The following MRPL33 variants were observed in gnomAD, a reference collection of about 807,000 sequenced individuals.
The protein encoded by MRPL33 is large ribosomal subunit protein bL33m.
In MRPL33, 5 loss-of-function variants were observed where a neutral mutation model predicts 10.1. The observed-to-expected ratio is 0.49, with a 90% CI of 0.26 to 1.04. The LOEUF (loss-of-function observed/expected upper bound fraction) is 1.04, where lower values mean the gene tolerates loss of function less well. Among genes scored for constraint, MRPL33 ranks in the 50% least tolerant of loss-of-function variants. The probability of loss-of-function intolerance (pLI) is 0.14; values close to 1 mark genes in which losing one functional copy is unlikely to be tolerated. For synonymous variants in MRPL33, 24 were observed against 27.7 expected, an observed-to-expected ratio of 0.87 and a Z score of 0.42; for missense variants, 79 against 78.1, an observed-to-expected ratio of 1.01 and a Z score of -0.04.
chr2:27,779,036 G>A (rs878920851), intron 3 of MRPL33, among the ~76,000 whole-genome samples: 3 of 152,292 alleles, frequency 2.0e-5, no homozygotes, highest in South Asian at 2.1e-4. Context: ...TCCAGACAGC[G>A]TGGTCCACTT....
chr2:27,773,115 T>G (rs1368017840), intron 2 of MRPL33, among the ~76,000 whole-genome samples: 2 of 152,250 alleles, frequency 1.3e-5, no homozygotes, highest in Admixed American at 1.3e-4. Context: ...TCTGTTTTAA[T>G]GAGTTTTGTA....
chr2:27,777,453 C>T (rs1276350694), intron 3 of MRPL33, among the ~76,000 whole-genome samples: 1 of 151,556 alleles, frequency 6.6e-6, no homozygotes, highest in African/African-American at 2.4e-5. Context: ...ATCACCAATC[C>T]CTCTACTAAA....
At chr2:27,773,989 C>G (rs1042061002) in intron 2 of MRPL33, among the ~76,000 whole-genome samples, 1 of 152,126 alleles carries the variant, frequency 6.6e-6, no homozygotes, top group Non-Finnish European at 1.5e-5. Context: ...AAGCTTTAGT[C>G]TCTTTATTTT....
At chr2:27,773,371 C>T (rs939220875) in intron 2 of MRPL33, among the ~76,000 whole-genome samples, 1 of 152,170 alleles carries the variant, frequency 6.6e-6, no homozygotes, top group African/African-American at 2.4e-5. Flanking sequence ...TAGCGCTTTC[C>T]CTCCCAGTAT....
At chr2:27,771,995 G>C (rs1475298289) in intron 1 of MRPL33, 196 bp downstream of exon 1, 2 of 604,906 alleles carry the variant, frequency 3.3e-6, no homozygotes, top group Non-Finnish European at 5.8e-6. Context: ...GTGGGTGCCT[G>C]AGAAGGGGTC....
chr2:27,777,742 A>G (rs1677203261), intron 3 of MRPL33, among the ~76,000 whole-genome samples: 1 of 152,214 alleles, frequency 6.6e-6, no homozygotes, highest in Non-Finnish European at 1.5e-5. Flanking sequence ...CAGTGAATGA[A>G]TCAAAGAATT....
At chr2:27,775,352 T>TA (rs1677129315) in intron 3 of MRPL33, among the ~76,000 whole-genome samples, 1 of 142,528 alleles carries the variant, frequency 7.0e-6, no homozygotes. Context: ...TATAATTAAT[T>TA]TTTTTTTTTT....
At chr2:27,778,410 T>G (rs980696560) in intron 3 of MRPL33, among the ~76,000 whole-genome samples, 2 of 152,104 alleles carry the variant, frequency 1.3e-5, no homozygotes, top group Admixed American at 6.5e-5. Context: ...TTTCTTGTTT[T>G]TGTTTTAGCA....
intron 3 of MRPL33, 152 bp downstream of exon 3, chr2:27,774,682 C>A: frequency 1.6e-6 from 1 of 639,446 alleles, no homozygotes; most frequent in Non-Finnish European, 2.8e-6. Context: ...ATTTAACATC[C>A]CAGGTGCTGG....
chr2:27,772,747 G>A (rs913299827), intron 2 of MRPL33, 55 bp downstream of exon 2: 1 of 1,399,360 alleles, frequency 7.1e-7, no homozygotes, highest in Admixed American at 1.9e-5. Context: ...GGATTTGTTA[G>A]TCTAGCTGCT....
intron 2 of MRPL33, 142 bp from the exon 3 acceptor site, chr2:27,774,282 T>C (rs1450600727): frequency 5.0e-5 from 34 of 675,624 alleles, no homozygotes; most frequent in Non-Finnish European, 8.4e-5. Flanking sequence ...ACTTAGGCTG[T>C]CTTACAACTG....
intron 3 of MRPL33, among the ~76,000 whole-genome samples, chr2:27,776,511 A>G (rs1677177410): frequency 6.6e-6 from 1 of 152,390 alleles, no homozygotes; most frequent in South Asian, 2.1e-4. Flanking sequence ...ATTTCATAAT[A>G]TAGTCTGTGG....
chr2:27,778,703 C>T (rs1376732461), intron 3 of MRPL33, among the ~76,000 whole-genome samples: 1 of 152,094 alleles, frequency 6.6e-6, no homozygotes, highest in African/African-American at 2.4e-5. Context: ...TACAGGCATG[C>T]ACCACCATGC....
chr2:27,772,098 G>T (rs755834736), intron 1 of MRPL33: 2 of 417,146 alleles, frequency 4.8e-6, no homozygotes, highest in Non-Finnish European at 8.5e-6. Context: ...ATCTTTGTCC[G>T]AAGGACCTCA....
intron 2 of MRPL33, among the ~76,000 whole-genome samples, chr2:27,773,211 C>T (rs1029149120): frequency 6.6e-6 from 1 of 152,198 alleles, no homozygotes; most frequent in African/African-American, 2.4e-5. Flanking sequence ...AACTACCAAA[C>T]TTGTATTTCA....
Position 27,771,776 on chromosome 2 carries a change from C to G in MRPL33, c.-2C>G. 1.2e-6 allele frequency: 2 copies of G among 1,614,136 alleles called. No homozygotes were observed. The highest frequency in any genetic ancestry group is 1.7e-6 in the Non-Finnish European group (2 of 1,179,990). ...GACGGAGACTGCCCAGGTGTGGTCA[C>G]CATGTTCCTCTCCGCGGTCTTCTGT... On this transcript the variant is annotated 5_prime_UTR_variant, in exon 1 of 4. Coordinates refer to ENST00000296102, the MANE Select transcript of MRPL33 (RefSeq NM_004891.4).
intron 3 of MRPL33, among the ~76,000 whole-genome samples, chr2:27,774,979 A>G (rs1677122004): frequency 6.6e-6 from 1 of 152,202 alleles, no homozygotes; most frequent in South Asian, 2.1e-4. Flanking sequence ...AGGGGACGGT[A>G]TGGTGTCCTG....
chr2:27,775,293 C>G (rs772987215), intron 3 of MRPL33, among the ~76,000 whole-genome samples: 4 of 151,164 alleles, frequency 2.6e-5, no homozygotes, highest in Non-Finnish European at 5.9e-5. Context: ...GTAAAAATAG[C>G]AAACGTGTTT....
intron 3 of MRPL33, 110 bp from the exon 4 acceptor site, chr2:27,779,323 A>C: frequency 7.9e-7 from 1 of 1,273,628 alleles, no homozygotes; most frequent in Non-Finnish European, 1.1e-6. Context: ...ATATCAAGGA[A>C]TAGTAAAATA....
Sources: allele counts gnomAD v4.1 joint callset (sites outside exome capture counted in the v4.1 genomes callset), GRCh38; gene constraint gnomAD v4.1.1; transcripts MANE v1.5; gene names NCBI Gene and HGNC (gene_info 2026-07-23, HGNC 2026-07-21).